The following SHC3 variants were observed in gnomAD, a reference collection of about 807,000 sequenced individuals.
SHC3 encodes SHC adaptor protein 3.
A neutral mutation model predicts 60.4 loss-of-function variants in SHC3; 15 were observed. The ratio of observed to expected loss-of-function variants is 0.25; its 90% CI spans 0.17 to 0.38. The LOEUF (loss-of-function observed/expected upper bound fraction) is 0.38. SHC3 is among the 10% of genes least tolerant of loss of function. The probability of loss-of-function intolerance (pLI) is 1.00; values close to 1 mark genes in which losing one functional copy is unlikely to be tolerated. For synonymous variants in SHC3, 294 were observed against 325.9 expected (o/e 0.90, Z 1.05); for missense variants, 677 against 786.1 (o/e 0.86, Z 1.66).
chr9:89,011,422 G>A lies in SHC3; in HGVS notation c.*2025C>T, dbSNP rs1405986728. 4 of 152,200 alleles carry A rather than the reference G, an allele frequency of 2.6e-5. No individual in the cohort carries two copies. The highest frequency in any genetic ancestry group is 5.9e-5 in the Non-Finnish European group (4 of 68,036). 9.4% of individuals were successfully genotyped at this position (152,200 alleles called of 1,614,324 possible). On this transcript the variant is annotated 3_prime_UTR_variant, in exon 12 of 12. Coordinates refer to ENST00000375835, the MANE Select transcript of SHC3 (RefSeq NM_016848.6). ...ATAATAGCATTTTGACCTTTCACAAGTGGGGAATGCATGAATGTAGAAAGA... is the reference window on the plus strand; with the variant it reads ...ATAATAGCATTTTGACCTTTCACAAATGGGGAATGCATGAATGTAGAAAGA...
chr9:89,137,735 A>G (rs188076308), intron 1 of SHC3, among the ~76,000 whole-genome samples: 98 of 152,324 alleles, frequency 6.4e-4, no homozygotes, highest in Non-Finnish European at 9.8e-4. Flanking sequence ...AGCTTGCTAA[A>G]GAATTCAAAG....
In SHC3 at chr9:89,051,968, T is replaced by A. The variant is rs1477670852; in HGVS notation, c.962+69A>T. 8 of 1,590,392 alleles carry A rather than the reference T, an allele frequency of 5.0e-6. No homozygotes were observed. The Admixed American group carries it at 1.3e-4, about 27-fold the overall frequency. On this transcript the variant is annotated intron_variant, in intron 7 of 11. Coordinates refer to ENST00000375835, the MANE Select transcript of SHC3 (RefSeq NM_016848.6). ...GCCTGTCCAGAACACAGCTCAGGGATGTGGTTTTAAGAGGAAAGGTCATAA... is the reference window on the plus strand; with the variant it reads ...GCCTGTCCAGAACACAGCTCAGGGAAGTGGTTTTAAGAGGAAAGGTCATAA...
intron 4 of SHC3, among the ~76,000 whole-genome samples, chr9:89,074,371 G>C (rs1825320663): frequency 6.6e-6 from 1 of 152,024 alleles, no homozygotes; most frequent in African/African-American, 2.4e-5. Context: ...ACACCCCCCT[G>C]GATACTGCTC....
chr9:89,034,346 A>G (rs10435931), intron 11 of SHC3, among the ~76,000 whole-genome samples: 60,971 of 152,098 alleles, frequency 0.4, 14,237 homozygotes, highest in East Asian at 0.97. Flanking sequence ...TAAATGGATG[A>G]ATGAAATTTT....
Position 89,005,915 on chromosome 9 carries a change from T to G in SHC3, c.*7532A>C, listed in dbSNP as rs1403383712. 6.6e-6 allele frequency: 1 copy of G among 152,220 alleles called. No individual in the cohort carries two copies. Among genetic ancestry groups the G allele is most frequent in the Non-Finnish European group, 1.5e-5 (1 of 68,038 alleles). The allele number at this position is 152,220 out of a possible 1,614,324, so 9.4% of individuals were successfully genotyped here. A position where few individuals can be genotyped will look rare whatever the true frequency, so the allele number is the denominator to read the frequency against. The stretch of plus-strand genomic sequence containing the variant: ...ACCCTTTCACAGAAATGTAACAAGG[T>G]GCATTTTATAGAAAACATCTAATTA... On this transcript the variant is annotated 3_prime_UTR_variant, in exon 12 of 12. Coordinates refer to ENST00000375835, the MANE Select transcript of SHC3 (RefSeq NM_016848.6).
chr9:89,169,346 C>T (rs988836426), intron 1 of SHC3, among the ~76,000 whole-genome samples: 10 of 152,180 alleles, frequency 6.6e-5, no homozygotes, highest in Admixed American at 1.3e-4. Flanking sequence ...GAGCACATAA[C>T]GGGACCCTGA....
At chr9:89,150,681 T>A (rs1033321970) in intron 1 of SHC3, among the ~76,000 whole-genome samples, 4 of 152,152 alleles carry the variant, frequency 2.6e-5, no homozygotes, top group Non-Finnish European at 4.4e-5. Flanking sequence ...TGTGTACAAG[T>A]TTTTGTGTAA....
intron 11 of SHC3, among the ~76,000 whole-genome samples, chr9:89,035,859 G>A (rs879912132): frequency 0.36 from 36,007 of 99,618 alleles, 7,521 homozygotes; most frequent in East Asian, 0.95. Context: ...AGATGTGTGT[G>A]TGTGTGTGTG....
intron 11 of SHC3, among the ~76,000 whole-genome samples, chr9:89,023,286 T>C (rs1198098340): frequency 6.6e-6 from 1 of 152,216 alleles, no homozygotes; most frequent in Non-Finnish European, 1.5e-5. Context: ...TTTAATCATC[T>C]GAGAAAGTCT....
chr9:89,072,156 A>G (rs927653852), intron 4 of SHC3, among the ~76,000 whole-genome samples: 1 of 152,186 alleles, frequency 6.6e-6, no homozygotes, highest in African/African-American at 2.4e-5. Flanking sequence ...ATACAGAGTG[A>G]ACTCCATGTA....
chr9:89,078,049 T>G (rs1825388386), intron 2 of SHC3, 146 bp from the exon 3 acceptor site: 3 of 881,184 alleles, frequency 3.4e-6, no homozygotes, highest in African/African-American at 3.4e-5. Context: ...GTCATCCGAT[T>G]CTTCTTCTAA....
intron 1 of SHC3, 90 bp downstream of exon 1, chr9:89,177,897 C>T (rs1476265549): frequency 1.8e-6 from 2 of 1,136,320 alleles, no homozygotes; most frequent in African/African-American, 3.3e-5. Context: ...GCGGGAGCGC[C>T]CCGCACCCCG....
chr9:89,089,854 T>C (rs961669692), intron 2 of SHC3, among the ~76,000 whole-genome samples: 2 of 152,114 alleles, frequency 1.3e-5, no homozygotes, highest in Non-Finnish European at 2.9e-5. Flanking sequence ...AGCACCTTCT[T>C]GGAGTGAGGA....
intron 1 of SHC3, among the ~76,000 whole-genome samples, chr9:89,125,076 T>C (rs1189201358): frequency 1.3e-5 from 2 of 152,060 alleles, no homozygotes; most frequent in African/African-American, 4.8e-5. Context: ...ACTTCTGGGA[T>C]TCAAGGAAGG....
At chr9:89,017,105 T>C (rs1176247874) in intron 11 of SHC3, among the ~76,000 whole-genome samples, 1 of 152,184 alleles carries the variant, frequency 6.6e-6, no homozygotes, top group Non-Finnish European at 1.5e-5. Flanking sequence ...GCTATCCCCA[T>C]CAAGCTACCA....
At chr9:89,092,145 G>A (rs1825630499) in intron 2 of SHC3, among the ~76,000 whole-genome samples, 1 of 152,186 alleles carries the variant, frequency 6.6e-6, no homozygotes, top group African/African-American at 2.4e-5. Flanking sequence ...TTCCTAAATT[G>A]CATGTGATAT....
At chr9:89,096,210 C>T (rs1295848220) in intron 2 of SHC3, among the ~76,000 whole-genome samples, 1 of 152,162 alleles carries the variant, frequency 6.6e-6, no homozygotes, top group Non-Finnish European at 1.5e-5. Flanking sequence ...AAAATTTTGC[C>T]TTCTACTAAG....
intron 2 of SHC3, among the ~76,000 whole-genome samples, chr9:89,086,070 C>T (rs961477918): frequency 6.6e-6 from 1 of 152,212 alleles, no homozygotes; most frequent in Non-Finnish European, 1.5e-5. Context: ...GCATGGGGCA[C>T]ATGCAAGTTA....
At chr9:89,059,908 GT>G (rs1452241867) in intron 6 of SHC3, among the ~76,000 whole-genome samples, 1 of 150,124 alleles carries the variant, frequency 6.7e-6, no homozygotes, top group Non-Finnish European at 1.5e-5. Flanking sequence ...GTGTAGGACA[GT>G]GGTGGAGGAT....
Sources: gnomAD v4.1 joint callset for allele counts (sites outside exome capture counted in the v4.1 genomes callset) on GRCh38, gnomAD v4.1.1 for gene constraint, MANE v1.5 for transcripts, NCBI Gene and HGNC (gene_info 2026-07-23, HGNC 2026-07-21) for gene names.